WRNIP1: variants seen among roughly 807,000 people sequenced by gnomAD.
WRNIP1 encodes the protein ATPase WRNIP1.
WRNIP1 carries 41 observed loss-of-function variants against 56.1 expected under a neutral mutation model. The observed-to-expected ratio is 0.73, with a 90% CI of 0.57 to 0.95. WRNIP1 has a LOEUF of 0.95. WRNIP1 is among the 40% of genes least tolerant of loss of function. The pLI is 0.00. For missense variants in WRNIP1, 1,170 were observed against 939.4 expected (o/e 1.25, Z -3.21); for synonymous variants, 547 against 398.1 (o/e 1.37, Z -4.45).
chr6:2,780,575 G>T (rs913589016), intron 4 of WRNIP1, among the ~76,000 whole-genome samples: 5 of 152,168 alleles, frequency 3.3e-5, no homozygotes, highest in Non-Finnish European at 7.3e-5. Flanking sequence ...TGCTCAGATG[G>T]CTGGCTCTCC....
chr6:2,781,810 C>T (rs1424449637), intron 4 of WRNIP1, among the ~76,000 whole-genome samples: 2 of 152,202 alleles, frequency 1.3e-5, no homozygotes, highest in Non-Finnish European at 2.9e-5. Context: ...TGCTCTGTGC[C>T]AGGCGTGTGT....
intron 4 of WRNIP1, 33 bp downstream of exon 4, chr6:2,779,525 A>C: frequency 6.3e-7 from 1 of 1,588,688 alleles, no homozygotes; most frequent in Non-Finnish European, 8.6e-7. Flanking sequence ...GAGTGAAACC[A>C]TACGGAAAGA....
At chr6:2,772,890 G>A in intron 3 of WRNIP1, 1 of 861,846 alleles carries the variant, frequency 1.2e-6, no homozygotes, top group Non-Finnish European at 1.4e-6. Flanking sequence ...CACTAATCTA[G>A]TTGAAAGAAA....
chr6:2,770,385 C>CT, intron 3 of WRNIP1, 24 bp downstream of exon 3: 1 of 1,613,176 alleles, frequency 6.2e-7, no homozygotes, highest in East Asian at 2.2e-5. Context: ...GTGCAGCGTC[C>CT]TGGGGGCACA....
chr6:2,782,237 C>T (rs767939425), intron 4 of WRNIP1, among the ~76,000 whole-genome samples: 9 of 152,208 alleles, frequency 5.9e-5, no homozygotes, highest in African/African-American at 9.7e-5. Context: ...GACACCCTCT[C>T]GGCCAGTGTC....
intron 2 of WRNIP1, 128 bp from the exon 3 acceptor site, chr6:2,769,992 G>A (rs542445047): frequency 1.5e-6 from 2 of 1,337,626 alleles, no homozygotes; most frequent in South Asian, 1.4e-5. Context: ...TGAATATAAG[G>A]CTGCTGCTAT....
At chr6:2,777,431 C>G (rs1294234628) in intron 3 of WRNIP1, among the ~76,000 whole-genome samples, 1 of 152,190 alleles carries the variant, frequency 6.6e-6, no homozygotes, top group East Asian at 1.9e-4. Context: ...TGCTTTGACT[C>G]CTTTTTCTTC....
chr6:2,776,338 G>A (rs1765430319), intron 3 of WRNIP1, among the ~76,000 whole-genome samples: 2 of 152,220 alleles, frequency 1.3e-5, no homozygotes, highest in Admixed American at 1.3e-4. Flanking sequence ...AGTGCTGTCA[G>A]CAGGTCCTGT....
intron 4 of WRNIP1, 55 bp downstream of exon 4, chr6:2,779,547 A>G (rs1765509759): frequency 2.6e-6 from 4 of 1,544,896 alleles, no homozygotes; most frequent in South Asian, 1.2e-5. Flanking sequence ...GTGTGTGCAC[A>G]CATTCTCATT....
At chr6:2,767,655 C>G (rs143091356) in intron 1 of WRNIP1, among the ~76,000 whole-genome samples, 3 of 152,338 alleles carry the variant, frequency 2.0e-5, no homozygotes, top group African/African-American at 7.2e-5. Context: ...CAGTATCATT[C>G]TTAGTAATTG....
In WRNIP1 at chr6:2,766,001, C is replaced by A; in HGVS notation, c.379C>A (p.Pro127Thr). ...PSGARLIPDF[P>T]VARSSSPGRK... is the part of the protein sequence containing the mutation. ...CGGCGCCCGCCTTATCCCCGACTTC[C>A]CGGTGGCCCGCTCCAGCAGCCCCGG... is the stretch of plus-strand genomic sequence containing the variant. The change falls in exon 1 of 7, where the codon CCG (proline) becomes ACG (threonine). Residue 127 changes from proline to threonine, a missense_variant. Transcript: ENST00000380773. The A allele has an allele frequency of 7.3e-7, 1 of 1,361,126 alleles. No individual in the cohort carries two copies. Among genetic ancestry groups the A allele is most frequent in the Non-Finnish European group, 9.5e-7 (1 of 1,055,120 alleles). The allele number at this position is 1,361,126 out of a possible 1,614,324, so 84.3% of individuals were successfully genotyped here.
chr6:2,784,714 T>G (rs1765667793), intron 6 of WRNIP1, among the ~76,000 whole-genome samples: 1 of 152,088 alleles, frequency 6.6e-6, no homozygotes, highest in Non-Finnish European at 1.5e-5. Flanking sequence ...CCAGAGCAGC[T>G]TCATATTCAT....
chr6:2,783,626 C>A (rs913067375), intron 5 of WRNIP1, 65 bp downstream of exon 5: 1,784 of 251,026 alleles, frequency 7.1e-3, no homozygotes, highest in Non-Finnish European at 9.4e-3. Flanking sequence ...CTAACAGTTA[C>A]ATCGTGGCTT....
Position 2,765,970 on chromosome 6 carries a change from A to C in WRNIP1, c.348A>C (p.Thr116=), listed in dbSNP as rs918008132. 3.6e-6 allele frequency: 5 copies of C among 1,408,186 alleles called. No individual in the cohort carries two copies. Among genetic ancestry groups the C allele is most frequent in the Non-Finnish European group, 4.6e-6 (5 of 1,079,912 alleles). The allele number at this position is 1,408,186 out of a possible 1,614,324, so 87.2% of individuals were successfully genotyped here. ...GCGAGAGCTACGACGCGCCGCCCACACCCAGCGGCGCCCGCCTTATCCCCG... is the reference window on the plus strand; with the variant it reads ...GCGAGAGCTACGACGCGCCGCCCACCCCCAGCGGCGCCCGCCTTATCCCCG... The part of the protein sequence containing the change: ...ESRESYDAPP[T]PSGARLIPDF... Residue 116 remains threonine (T), a synonymous_variant, in exon 1 of 7, where the codon ACA becomes ACC. Coordinates refer to ENST00000380773, the MANE Select transcript of WRNIP1 (RefSeq NM_020135.3).
At chr6:2,780,383 C>T (rs1036574645) in intron 4 of WRNIP1, among the ~76,000 whole-genome samples, 4 of 152,178 alleles carry the variant, frequency 2.6e-5, no homozygotes, top group Non-Finnish European at 4.4e-5. Context: ...TGGTTCCAAG[C>T]GCTGCCTCTT....
chr6:2,780,891 A>G (rs1042361671), intron 4 of WRNIP1, among the ~76,000 whole-genome samples: 1 of 152,208 alleles, frequency 6.6e-6, no homozygotes, highest in Admixed American at 6.5e-5. Flanking sequence ...ATAACATGGC[A>G]TTCACTAACA....
chr6:2,779,421 G>A lies in WRNIP1; in HGVS notation c.1415G>A (p.Ser472Asn). The stretch of plus-strand genomic sequence containing the variant: ...AAGAGTGGGCAATCCTATTCTCCCA[G>A]TAGAGTTCTGATCACAGAGAATGAC... ...CKKSGQSYSP[S>N]RVLITENDVK... The change falls in exon 4 of 7, where the codon AGT becomes AAT. Residue 472 changes from serine to asparagine, a missense_variant. Physicochemically the swap from Ser to Asn is conservative, Grantham distance 46. Transcript: ENST00000380773. The A allele has an allele frequency of 6.2e-7, 1 of 1,614,202 alleles. No homozygotes were observed. Among genetic ancestry groups the A allele is most frequent in the Non-Finnish European group, 8.5e-7 (1 of 1,180,038 alleles).
At chr6:2,771,578 T>C (rs1373269514) in intron 3 of WRNIP1, among the ~76,000 whole-genome samples, 1 of 152,210 alleles carries the variant, frequency 6.6e-6, no homozygotes, top group Non-Finnish European at 1.5e-5. Context: ...AAATCCAAAA[T>C]GCTCCCAAAT....
At chr6:2,770,431 A>C (rs1270192495) in intron 3 of WRNIP1, 70 bp downstream of exon 3, 1 of 1,589,398 alleles carries the variant, frequency 6.3e-7, no homozygotes, top group African/African-American at 1.3e-5. Flanking sequence ...GGGGCCAGAA[A>C]GGGCCGGGCG....
Sources: gnomAD v4.1 joint callset for allele counts (sites outside exome capture counted in the v4.1 genomes callset) on GRCh38, gnomAD v4.1.1 for gene constraint, MANE v1.5 for transcripts, NCBI Gene and HGNC (gene_info 2026-07-23, HGNC 2026-07-21) for gene names.